The following ACER3 variants were observed in gnomAD, a reference collection of about 807,000 sequenced individuals.
ACER3 encodes the protein alkaline ceramidase 3.
A neutral mutation model predicts 48.9 loss-of-function variants in ACER3; 16 were observed. That is an observed-to-expected ratio of 0.33 (90% confidence interval 0.22 to 0.50). ACER3 has a LOEUF of 0.50. Among genes scored for constraint, ACER3 ranks in the 20% least tolerant of loss-of-function variants. The probability of loss-of-function intolerance (pLI) is 0.98; values close to 1 mark genes in which losing one functional copy is unlikely to be tolerated. For synonymous variants in ACER3, 109 were observed against 107.8 expected, an observed-to-expected ratio of 1.01 and a Z score of -0.07; for missense variants, 227 against 326.0, an observed-to-expected ratio of 0.70 and a Z score of 2.34.
intron 1 of ACER3, among the ~76,000 whole-genome samples, chr11:76,922,495 A>G (rs913060991): frequency 6.6e-6 from 1 of 152,098 alleles, no homozygotes; most frequent in Non-Finnish European, 1.5e-5. Flanking sequence ...ATAACTCTCA[A>G]TCTGTCTGGC....
chr11:76,993,939 G>C (rs1948858822), intron 6 of ACER3, among the ~76,000 whole-genome samples: 1 of 152,210 alleles, frequency 6.6e-6, no homozygotes, highest in South Asian at 2.1e-4. Context: ...ACCTGTACCA[G>C]TCTGGGGGAT....
intron 3 of ACER3, among the ~76,000 whole-genome samples, chr11:76,964,998 G>A (rs1310077808): frequency 6.6e-6 from 1 of 151,214 alleles, no homozygotes; most frequent in African/African-American, 2.5e-5. Context: ...GGCTTCAGAA[G>A]ATTAAACTAC....
intron 3 of ACER3, among the ~76,000 whole-genome samples, chr11:76,963,889 G>T (rs754530894): frequency 1.3e-5 from 2 of 151,438 alleles, no homozygotes; most frequent in Non-Finnish European, 2.9e-5. Flanking sequence ...CGGCGTTAGC[G>T]ACACAGAAGA....
intron 1 of ACER3, among the ~76,000 whole-genome samples, chr11:76,894,375 A>G (rs1945879631): frequency 6.6e-6 from 1 of 152,236 alleles, no homozygotes; most frequent in African/African-American, 2.4e-5. Flanking sequence ...TCAGGATTCA[A>G]TGGTATTACC....
chr11:76,883,577 TG>T (rs934150483), intron 1 of ACER3, among the ~76,000 whole-genome samples: 1 of 151,410 alleles, frequency 6.6e-6, no homozygotes, highest in Non-Finnish European at 1.5e-5. Context: ...CCCTAATAGC[TG>T]GGATTACAGG....
At chr11:77,008,663 T>C (rs1172346046) in intron 7 of ACER3, among the ~76,000 whole-genome samples, 6 of 152,230 alleles carry the variant, frequency 3.9e-5, no homozygotes, top group Admixed American at 2.0e-4. Context: ...TACTTTTGTC[T>C]GATGAAACAT....
chr11:76,933,056 G>A (rs548753689), intron 2 of ACER3, among the ~76,000 whole-genome samples: 3 of 151,920 alleles, frequency 2.0e-5, no homozygotes, highest in Admixed American at 2.0e-4. Context: ...CTTTGGAGAT[G>A]CGTTAGTGAA....
chr11:76,980,756 A>T (rs915083242), intron 4 of ACER3, among the ~76,000 whole-genome samples: 3 of 152,218 alleles, frequency 2.0e-5, no homozygotes, highest in Admixed American at 2.0e-4. Context: ...GATAATGTAG[A>T]TCAATTTTCA....
chr11:76,882,934 A>G (rs1945565006), intron 1 of ACER3, among the ~76,000 whole-genome samples: 1 of 151,834 alleles, frequency 6.6e-6, no homozygotes, highest in South Asian at 2.1e-4. Flanking sequence ...GAATTTAGGG[A>G]TCCCTTCTTT....
chr11:77,017,939 T>A (rs1949401293), intron 9 of ACER3, among the ~76,000 whole-genome samples: 1 of 115,664 alleles, frequency 8.6e-6, no homozygotes, highest in Non-Finnish European at 1.7e-5. Flanking sequence ...TGATCAGTGA[T>A]CTTTTTTTTT....
At chr11:76,996,312 T>G (rs142899816) in intron 6 of ACER3, among the ~76,000 whole-genome samples, 85 of 152,284 alleles carry the variant, frequency 5.6e-4, no homozygotes, top group Non-Finnish European at 1.0e-3. Context: ...CACCTCCCTC[T>G]CTTTCTCCAC....
At chr11:76,989,588 C>T (rs1285610742) in intron 5 of ACER3, among the ~76,000 whole-genome samples, 1 of 152,096 alleles carries the variant, frequency 6.6e-6, no homozygotes, top group African/African-American at 2.4e-5. Flanking sequence ...AAGTAAAGAG[C>T]AGCATGTTTA....
chr11:76,921,683 G>A (rs1458668539), intron 1 of ACER3, among the ~76,000 whole-genome samples: 1 of 151,992 alleles, frequency 6.6e-6, no homozygotes, highest in Non-Finnish European at 1.5e-5. Context: ...TTAAGAGTCA[G>A]CTTTTTAATT....
At chr11:76,957,711 G>A (rs1248404460) in intron 2 of ACER3, 3 of 186,298 alleles carry the variant, frequency 1.6e-5, no homozygotes, top group African/African-American at 4.7e-5. Flanking sequence ...CCAAAGTGCT[G>A]GGATTACAGG....
At chr11:76,876,184 C>T (rs1945375657) in intron 1 of ACER3, among the ~76,000 whole-genome samples, 1 of 152,096 alleles carries the variant, frequency 6.6e-6, no homozygotes, top group African/African-American at 2.4e-5. Flanking sequence ...GGAACTTTAC[C>T]ATCAGCCAGG....
chr11:76,863,234 A>T (rs1012750695), intron 1 of ACER3, among the ~76,000 whole-genome samples: 7 of 152,208 alleles, frequency 4.6e-5, no homozygotes, highest in African/African-American at 1.7e-4. Context: ...CTACAAAAAA[A>T]ATATAAAAAA....
At chr11:77,011,506 T>C in intron 7 of ACER3, 1 of 429,534 alleles carries the variant, frequency 2.3e-6, no homozygotes, top group Non-Finnish European at 3.1e-6. Flanking sequence ...TTGGGACTCA[T>C]TCTTGCCTTC....
At chr11:77,019,632 C>A in intron 9 of ACER3, 99 bp from the exon 10 acceptor site, 2 of 1,151,738 alleles carry the variant, frequency 1.7e-6, no homozygotes, top group Non-Finnish European at 1.3e-6. Context: ...GTTTTTGCTT[C>A]GTACATGCAG....
intron 7 of ACER3, among the ~76,000 whole-genome samples, chr11:77,010,782 G>A (rs1206932388): frequency 1.3e-5 from 2 of 152,150 alleles, no homozygotes; most frequent in Non-Finnish European, 1.5e-5. Context: ...AATCAGAATG[G>A]CTTTGGGCTT....
Sources: gnomAD v4.1 joint callset for allele counts (sites outside exome capture counted in the v4.1 genomes callset) on GRCh38, gnomAD v4.1.1 for gene constraint, MANE v1.5 for transcripts, NCBI Gene and HGNC (gene_info 2026-07-23, HGNC 2026-07-21) for gene names.